WDR7: variants seen among roughly 807,000 people sequenced by gnomAD.
WDR7 encodes the protein WD repeat domain 7, also known as WD repeat-containing protein 7.
Under a neutral mutation model 169.4 loss-of-function variants are expected in WDR7, and 46 were observed. That is an observed-to-expected ratio of 0.27 (90% confidence interval 0.21 to 0.35). The LOEUF is 0.35. WDR7 is among the 10% of genes least tolerant of loss of function. WDR7 has a pLI of 1.00. For synonymous variants in WDR7, 612 were observed against 666.8 expected, an observed-to-expected ratio of 0.92 and a Z score of 1.27; for missense variants, 1,534 against 1,859.3, an observed-to-expected ratio of 0.83 and a Z score of 3.22.
chr18:56,936,086 G>C (rs149354581), intron 23 of WDR7, 181 bp downstream of exon 23: 2 of 529,110 alleles, frequency 3.8e-6, no homozygotes, highest in Non-Finnish European at 6.5e-6. Flanking sequence ...TCCACGGTGT[G>C]GTGCATTCAT....
chr18:56,676,214 C>T (rs2025240670), intron 2 of WDR7, among the ~76,000 whole-genome samples: 1 of 152,096 alleles, frequency 6.6e-6, no homozygotes, highest in Non-Finnish European at 1.5e-5. Flanking sequence ...TTTCCATTGG[C>T]ATGGAATATC....
rs1395119418 is a variant in WDR7 at position 56,757,842 on chromosome 18, G to A, written c.2759+490G>A. ...AATTAGCTGGGCATGGTGGTTACAT[G>A]CATGTAGTCCCAGCTACTTGGGGGG... On this transcript the variant is annotated intron_variant, in intron 15 of 27. Coordinates refer to ENST00000254442, the MANE Select transcript of WDR7 (RefSeq NM_015285.3). Among the ~76,000 whole-genome samples, 4 of 151,936 alleles carry A rather than the reference G, an allele frequency of 2.6e-5. No homozygotes were observed. In the East Asian group the frequency reaches 5.8e-4, roughly 22 times the overall value.
chr18:56,986,762 C>T (rs113306349), intron 26 of WDR7, among the ~76,000 whole-genome samples: 4 of 152,232 alleles, frequency 2.6e-5, no homozygotes, highest in Admixed American at 1.3e-4. Context: ...AGGCATTCCA[C>T]TTCTCATCCC....
At chr18:56,704,824 A>G (rs1025834211) in intron 12 of WDR7, among the ~76,000 whole-genome samples, 1 of 152,194 alleles carries the variant, frequency 6.6e-6, no homozygotes, top group African/African-American at 2.4e-5. Context: ...TAGGCATGAA[A>G]TTTACTTTTA....
chr18:56,719,318 C>T (rs796223172), intron 13 of WDR7, among the ~76,000 whole-genome samples: 28 of 152,152 alleles, frequency 1.8e-4, no homozygotes, highest in African/African-American at 6.7e-4. Context: ...AATCCTAGCA[C>T]TTTGGGAGGC....
intron 26 of WDR7, among the ~76,000 whole-genome samples, chr18:57,010,808 A>G (rs767549278): frequency 2.6e-5 from 4 of 152,308 alleles, no homozygotes; most frequent in South Asian, 2.1e-4. Context: ...GGGCTTAGAC[A>G]TTAATAGGTG....
chr18:56,716,947 A>G (rs1415831563), intron 12 of WDR7, among the ~76,000 whole-genome samples: 1 of 152,198 alleles, frequency 6.6e-6, no homozygotes, highest in African/African-American at 2.4e-5. Context: ...ATATTGAGAT[A>G]TTGATCTTTA....
chr18:56,956,181 A>G (rs2047247984), intron 25 of WDR7, among the ~76,000 whole-genome samples: 1 of 152,132 alleles, frequency 6.6e-6, no homozygotes, highest in African/African-American at 2.4e-5. Context: ...GAGATATTTC[A>G]TTTGGTTTTT....
In WDR7 at chr18:56,698,261, A is replaced by AT. The variant is rs201408502; in HGVS notation, c.1578+1806dup. 3.6e-3 allele frequency among the ~76,000 whole-genome samples: 553 copies of AT among 152,012 alleles called. 8 individuals are homozygous for AT. The East Asian group carries it at 0.038, about 11-fold the overall frequency. On this transcript the variant is annotated intron_variant, in intron 12 of 27. Coordinates refer to ENST00000254442, the MANE Select transcript of WDR7 (RefSeq NM_015285.3). ...CTCTATTTGAATATGTTAATTATACATTTTTTTAGCTTATATATTCCCTTG... is the reference window on the plus strand; with the variant it reads ...CTCTATTTGAATATGTTAATTATACATTTTTTTTAGCTTATATATTCCCTTG...
chr18:56,686,120 T>A, intron 6 of WDR7, 88 bp downstream of exon 6: 1 of 1,088,114 alleles, frequency 9.2e-7, no homozygotes, highest in Non-Finnish European at 1.3e-6. Flanking sequence ...CCATTTTTTT[T>A]AAGGGGGAAG....
chr18:56,917,196 CA>C lies in WDR7; in HGVS notation c.3527-6714del, dbSNP rs770833362. 1.4e-3 allele frequency among the ~76,000 whole-genome samples: 199 copies of C among 142,968 alleles called. 1 individual carries two copies. The highest frequency in any genetic ancestry group is 2.1e-3 in the Non-Finnish European group (137 of 65,196). 93.8% of individuals were successfully genotyped at this position (142,968 alleles called of 152,430 possible). On this transcript the variant is annotated intron_variant, in intron 21 of 27. Coordinates refer to ENST00000254442, the MANE Select transcript of WDR7 (RefSeq NM_015285.3). ...TGGGCGACAGGGTGACATTCCGTCT[CA>C]AAAAAAAAAAATTCCGCGTTCTGTG... is the stretch of plus-strand genomic sequence containing the variant.
intron 12 of WDR7, among the ~76,000 whole-genome samples, chr18:56,699,342 A>C (rs2025774080): frequency 6.6e-6 from 1 of 152,248 alleles, no homozygotes; most frequent in African/African-American, 2.4e-5. Context: ...TAATGCTTGA[A>C]TAGTCCCTCT....
intron 16 of WDR7, among the ~76,000 whole-genome samples, chr18:56,769,309 T>G (rs534736821): frequency 9.5e-4 from 144 of 152,086 alleles, no homozygotes; most frequent in African/African-American, 3.3e-3. Context: ...AGCCTCGACT[T>G]CCAGTCGAGG....
At chr18:56,722,376 A>T (rs1320936218) in intron 13 of WDR7, among the ~76,000 whole-genome samples, 2 of 152,204 alleles carry the variant, frequency 1.3e-5, no homozygotes, top group Non-Finnish European at 2.9e-5. Flanking sequence ...TTTTAGTAGC[A>T]AGTGTTTTCT....
chr18:56,808,902 A>G (rs1284383709), intron 19 of WDR7, among the ~76,000 whole-genome samples: 1 of 152,176 alleles, frequency 6.6e-6, no homozygotes, highest in East Asian at 1.9e-4. Context: ...AGTTTTATGT[A>G]TATAGATTTT....
intron 14 of WDR7, among the ~76,000 whole-genome samples, chr18:56,750,971 T>C (rs1202266703): frequency 6.6e-6 from 1 of 152,140 alleles, no homozygotes; most frequent in Non-Finnish European, 1.5e-5. Context: ...AAATTATAGT[T>C]TATCTGTAGG....
chr18:56,976,753 T>G (rs1373823587), intron 26 of WDR7, among the ~76,000 whole-genome samples: 2 of 152,166 alleles, frequency 1.3e-5, no homozygotes, highest in African/African-American at 2.4e-5. Flanking sequence ...CAAAATCATA[T>G]CACTTACCCA....
chr18:56,657,661 A>G (rs1011627550), intron 1 of WDR7, among the ~76,000 whole-genome samples: 2 of 152,360 alleles, frequency 1.3e-5, no homozygotes, highest in East Asian at 3.9e-4. Context: ...ATGTTAACTT[A>G]CAATTTGAAT....
At chr18:56,980,572 A>G (rs931513877) in intron 26 of WDR7, among the ~76,000 whole-genome samples, 1 of 147,910 alleles carries the variant, frequency 6.8e-6, no homozygotes, top group Non-Finnish European at 1.5e-5. Flanking sequence ...CAAATAATTA[A>G]AGAAACACAT....
Sources: gnomAD v4.1 joint callset for allele counts (sites outside exome capture counted in the v4.1 genomes callset) on GRCh38, gnomAD v4.1.1 for gene constraint, MANE v1.5 for transcripts, NCBI Gene and HGNC (gene_info 2026-07-23, HGNC 2026-07-21) for gene names.